Variants in DENND1B observed in about 807,000 individuals in gnomAD.
The protein encoded by DENND1B is DENN domain-containing protein 1B.
In DENND1B, 59 loss-of-function variants were observed where a neutral mutation model predicts 90.1. The ratio of observed to expected loss-of-function variants is 0.65; its 90% CI spans 0.53 to 0.81. The LOEUF is 0.81. Among genes scored for constraint, DENND1B ranks in the 40% least tolerant of loss-of-function variants. The pLI is 0.00. For synonymous variants in DENND1B, 337 were observed against 324.6 expected (o/e 1.04, Z -0.41); for missense variants, 862 against 912.6 (o/e 0.94, Z 0.71).
intron 14 of DENND1B, among the ~76,000 whole-genome samples, chr1:197,586,920 G>A (rs1157447152): frequency 1.3e-5 from 2 of 152,100 alleles, no homozygotes; most frequent in African/African-American, 4.8e-5. Flanking sequence ...AATGGTGAGA[G>A]GTGCAAAGAT....
intron 20 of DENND1B, among the ~76,000 whole-genome samples, chr1:197,523,470 C>T (rs1352962865): frequency 2.6e-5 from 4 of 152,248 alleles, no homozygotes; most frequent in African/African-American, 7.2e-5. Context: ...TTAAGACAAG[C>T]ATAGAGAACA....
intron 12 of DENND1B, among the ~76,000 whole-genome samples, chr1:197,609,780 A>G (rs931839105): frequency 6.6e-6 from 1 of 150,472 alleles, no homozygotes; most frequent in Non-Finnish European, 1.5e-5. Flanking sequence ...AACTCTCTTG[A>G]CCAAGAGAGA....
intron 20 of DENND1B, among the ~76,000 whole-genome samples, chr1:197,521,954 T>C (rs1331400818): frequency 6.6e-6 from 1 of 152,060 alleles, no homozygotes; most frequent in Non-Finnish European, 1.5e-5. Context: ...TGACAGAATG[T>C]GACTCCAACC....
intron 18 of DENND1B, among the ~76,000 whole-genome samples, chr1:197,541,699 A>G (rs1670348589): frequency 6.6e-6 from 1 of 152,178 alleles, no homozygotes; most frequent in Non-Finnish European, 1.5e-5. Context: ...GCAAAGGTGA[A>G]AAAGAGGAGA....
At chr1:197,603,496 T>A (rs930487617) in intron 13 of DENND1B, among the ~76,000 whole-genome samples, 1 of 151,170 alleles carries the variant, frequency 6.6e-6, no homozygotes, top group African/African-American at 2.4e-5. Flanking sequence ...TACAATCTAA[T>A]AAGTTTAAAT....
intron 2 of DENND1B, among the ~76,000 whole-genome samples, chr1:197,724,980 A>C (rs1053935183): frequency 3.9e-5 from 6 of 152,096 alleles, no homozygotes; most frequent in Non-Finnish European, 8.8e-5. Flanking sequence ...GAATAAAATA[A>C]ATCTATTTAA....
intron 2 of DENND1B, chr1:197,735,942 G>T: frequency 6.8e-7 from 1 of 1,477,742 alleles, no homozygotes; most frequent in Non-Finnish European, 9.4e-7. Context: ...AGTTAGAAAG[G>T]CTCAACGAGA....
At chr1:197,674,194 AG>A in intron 3 of DENND1B, 25 bp from the exon 4 acceptor site, 6 of 1,534,326 alleles carry the variant, frequency 3.9e-6, no homozygotes, top group Non-Finnish European at 5.3e-6. Context: ...TTCAAAAAAA[AG>A]AAATAAGTTT....
chr1:197,613,333 C>T (rs1347153264), intron 11 of DENND1B, among the ~76,000 whole-genome samples: 2 of 150,818 alleles, frequency 1.3e-5, no homozygotes, highest in Admixed American at 6.6e-5. Context: ...TTTTACTCCT[C>T]GTTAGCCTGT....
intron 3 of DENND1B, among the ~76,000 whole-genome samples, chr1:197,713,961 A>AT (rs1660361149): frequency 3.3e-4 from 1 of 3,046 alleles, no homozygotes; most frequent in Admixed American, 3.0e-3. Flanking sequence ...ACCAATAATA[A>AT]ATATCACCCA....
chr1:197,565,824 A>AT (rs1672603119), intron 15 of DENND1B, among the ~76,000 whole-genome samples: 2 of 149,574 alleles, frequency 1.3e-5, no homozygotes, highest in Admixed American at 6.7e-5. Flanking sequence ...TGAACTCATC[A>AT]TTTTTTATGG....
chr1:197,747,204 C>A, intron 2 of DENND1B: 1 of 718,616 alleles, frequency 1.4e-6, no homozygotes, highest in Non-Finnish European at 2.5e-6. Flanking sequence ...GTTTTTTATG[C>A]AATTCTTGAA....
intron 5 of DENND1B, among the ~76,000 whole-genome samples, chr1:197,671,395 G>C (rs547477060): frequency 1.3e-5 from 2 of 152,240 alleles, no homozygotes; most frequent in Admixed American, 1.3e-4. Context: ...GATAATGTAA[G>C]CAATTAGGCA....
At chr1:197,617,980 T>C (rs1677814112) in intron 10 of DENND1B, among the ~76,000 whole-genome samples, 1 of 151,140 alleles carries the variant, frequency 6.6e-6, no homozygotes, top group African/African-American at 2.4e-5. Flanking sequence ...ATCATGTAGA[T>C]AGTTATAATC....
At chr1:197,654,556 G>A (rs1653601299) in intron 6 of DENND1B, among the ~76,000 whole-genome samples, 1 of 151,834 alleles carries the variant, frequency 6.6e-6, no homozygotes, top group South Asian at 2.1e-4. Context: ...GTTGCAGCGA[G>A]CCGAGATCGC....
intron 15 of DENND1B, among the ~76,000 whole-genome samples, chr1:197,569,108 T>C (rs1401854496): frequency 2.6e-5 from 4 of 151,734 alleles, no homozygotes; most frequent in South Asian, 2.1e-4. Flanking sequence ...CAATTAAAAA[T>C]GGGCAAAATA....
At chr1:197,754,518 TGTG>T (rs903321707) in intron 2 of DENND1B, among the ~76,000 whole-genome samples, 1 of 151,924 alleles carries the variant, frequency 6.6e-6, no homozygotes, top group Non-Finnish European at 1.5e-5. Context: ...ATCAGCCAGA[TGTG>T]GTGGTGCACA....
chr1:197,684,321 TAATA>T lies in DENND1B; in HGVS notation c.127-10156_127-10153del, dbSNP rs1572320129. Among the ~76,000 whole-genome samples, 3 of 152,246 alleles carry T rather than the reference TAATA, an allele frequency of 2.0e-5. No individual in the cohort carries two copies. In the East Asian group the frequency reaches 5.8e-4, roughly 29 times the overall value. On this transcript the variant is annotated intron_variant, in intron 3 of 22. Transcript: ENST00000620048. ...TGTCCAAAGTCAAACAGCTAGCAAA[TAATA>T]GAGTTAGGATTTGAAAACAAAGCCT...
intron 15 of DENND1B, among the ~76,000 whole-genome samples, chr1:197,575,430 C>A (rs555169963): frequency 6.6e-6 from 1 of 152,192 alleles, no homozygotes; most frequent in African/African-American, 2.4e-5. Context: ...AGGTAAGAAA[C>A]AACAGATGCT....
Sources: allele counts gnomAD v4.1 joint callset (sites outside exome capture counted in the v4.1 genomes callset), GRCh38; gene constraint gnomAD v4.1.1; transcripts MANE v1.5; gene names NCBI Gene and HGNC (gene_info 2026-07-23, HGNC 2026-07-21).